The following FNIP1 variants were observed in gnomAD, a reference collection of about 807,000 sequenced individuals.
FNIP1 encodes folliculin interacting protein 1.
In FNIP1, 40 loss-of-function variants were observed where a neutral mutation model predicts 124.5. The observed-to-expected ratio is 0.32, with a 90% confidence interval of 0.25 to 0.42. The LOEUF is 0.42. Among genes scored for constraint, FNIP1 ranks in the 10% least tolerant of loss-of-function variants. FNIP1 has a pLI of 1.00. For missense variants in FNIP1, 1,176 were observed against 1,403.7 expected, an observed-to-expected ratio of 0.84 and a Z score of 2.59; for synonymous variants, 472 against 470.6, an observed-to-expected ratio of 1.00 and a Z score of -0.04.
Position 131,648,126 on chromosome 5 carries a change from T to A in FNIP1, c.3307-921A>T, listed in dbSNP as rs565385571. ...AGGAGGATCATCTGAGGCCAGGAGTTCGAGATCAGCCTGGGCAACACAGTG... is the reference window on the plus strand; with the variant it reads ...AGGAGGATCATCTGAGGCCAGGAGTACGAGATCAGCCTGGGCAACACAGTG... On this transcript the variant is annotated intron_variant, in intron 16 of 17. Coordinates refer to ENST00000510461, the MANE Select transcript of FNIP1 (RefSeq NM_133372.3). 2.3e-4 allele frequency among the ~76,000 whole-genome samples: 33 copies of A among 144,972 alleles called. 1 individual carries two copies. The South Asian group carries it at 7.1e-3, about 31-fold the overall frequency.
chr5:131,742,576 C>A (rs1770548078), intron 2 of FNIP1, among the ~76,000 whole-genome samples: 1 of 152,136 alleles, frequency 6.6e-6, no homozygotes, highest in African/African-American at 2.4e-5. Context: ...TTGTTTTAAA[C>A]TAAGAAAAGT....
At chr5:131,735,740 C>G (rs1450967414) in intron 2 of FNIP1, among the ~76,000 whole-genome samples, 1 of 150,688 alleles carries the variant, frequency 6.6e-6, no homozygotes, top group Non-Finnish European at 1.5e-5. Flanking sequence ...GTTAACTGAC[C>G]TCTCTAAACC....
At chr5:131,666,556 C>G (rs1202662380) in intron 15 of FNIP1, among the ~76,000 whole-genome samples, 1 of 152,132 alleles carries the variant, frequency 6.6e-6, no homozygotes, top group African/African-American at 2.4e-5. Context: ...AGCTTAAGAA[C>G]AGGCAGTTAA....
intron 1 of FNIP1, among the ~76,000 whole-genome samples, chr5:131,764,110 C>G (rs1020081123): frequency 7.2e-5 from 11 of 151,922 alleles, no homozygotes; most frequent in African/African-American, 2.7e-4. Context: ...CCTGCTCTAG[C>G]CATGTGAAGT....
intron 15 of FNIP1, among the ~76,000 whole-genome samples, chr5:131,661,772 CA>C (rs1323750427): frequency 6.6e-6 from 1 of 152,112 alleles, no homozygotes; most frequent in South Asian, 2.1e-4. Flanking sequence ...GCCGTGCCAA[CA>C]AAAGGTAAGA....
intron 1 of FNIP1, among the ~76,000 whole-genome samples, chr5:131,763,327 GACT>G (rs1771300340): frequency 7.8e-6 from 1 of 127,572 alleles, no homozygotes; most frequent in African/African-American, 3.3e-5. Context: ...ACACACACAC[GACT>G]ACAATGGCCA....
In FNIP1 at chr5:131,651,909, G is replaced by A. The variant is rs1767050356; in HGVS notation, c.3199C>T (p.Arg1067Ter). The change falls in exon 16 of 18, where the codon CGA becomes TGA. Residue 1067 changes from arginine to a stop codon, truncating the protein, a stop_gained. Transcript: ENST00000510461. LOFTEE classifies it high-confidence loss of function. Reference protein sequence around the residue: ...WTVQVASSQRRVTDNKLGKEV... With the variant: ...WTVQVASSQR Reference sequence around the variant, plus strand: ...TTTCCCAATTTATTATCTGTCACTCGTCTCTGGCTACTGGCCACTTGAACA... The same window carrying A: ...TTTCCCAATTTATTATCTGTCACTCATCTCTGGCTACTGGCCACTTGAACA... 2 of 1,613,976 alleles carry A rather than the reference G, an allele frequency of 1.2e-6. No individual in the cohort carries two copies. The highest frequency in any genetic ancestry group is 1.7e-6 in the Non-Finnish European group (2 of 1,180,034).
At chr5:131,769,675 G>A (rs1771561041) in intron 1 of FNIP1, among the ~76,000 whole-genome samples, 1 of 152,230 alleles carries the variant, frequency 6.6e-6, no homozygotes, top group Non-Finnish European at 1.5e-5. Flanking sequence ...GGGACCGGGA[G>A]CCTTTAAGAA....
chr5:131,655,284 A>G (rs962285737), intron 15 of FNIP1, among the ~76,000 whole-genome samples: 1 of 152,182 alleles, frequency 6.6e-6, no homozygotes, highest in Non-Finnish European at 1.5e-5. Context: ...AGGCGAGAGG[A>G]TCAATTGAGC....
intron 1 of FNIP1, among the ~76,000 whole-genome samples, chr5:131,755,826 T>C (rs751317822): frequency 2.0e-5 from 3 of 152,106 alleles, no homozygotes; most frequent in East Asian, 1.9e-4. Flanking sequence ...CTGGCCAACA[T>C]AGTGAACCCT....
intron 3 of FNIP1, among the ~76,000 whole-genome samples, chr5:131,730,563 A>C (rs933082999): frequency 2.0e-5 from 3 of 152,222 alleles, no homozygotes; most frequent in Admixed American, 2.0e-4. Flanking sequence ...ACTTCCAATC[A>C]TACTTTAATT....
intron 15 of FNIP1, among the ~76,000 whole-genome samples, chr5:131,662,368 T>C (rs1485269207): frequency 6.6e-6 from 1 of 152,182 alleles, no homozygotes; most frequent in Non-Finnish European, 1.5e-5. Context: ...ATTGTGTCAC[T>C]ATTGGAACTG....
At chr5:131,725,230 C>A (rs1029633037) in intron 3 of FNIP1, among the ~76,000 whole-genome samples, 1 of 152,082 alleles carries the variant, frequency 6.6e-6, no homozygotes, top group Non-Finnish European at 1.5e-5. Context: ...TTTTCTAATT[C>A]TGTGAAGAAA....
At chr5:131,699,023 T>C (rs1353199048) in intron 10 of FNIP1, 21 bp from the exon 11 acceptor site, 4 of 1,586,204 alleles carry the variant, frequency 2.5e-6, no homozygotes, top group East Asian at 2.3e-5. Flanking sequence ...ATCATTGAGA[T>C]AGTTAATTCT....
chr5:131,672,521 T>C lies in FNIP1; in HGVS notation c.1923A>G (p.Leu641=), dbSNP rs927674606. 1.9e-6 allele frequency: 3 copies of C among 1,613,712 alleles called. No homozygotes were observed. Among genetic ancestry groups the C allele is most frequent in the African/African-American group, 1.3e-5 (1 of 74,950 alleles). The change falls in exon 14 of 18, where the codon CTA becomes CTG. Residue 641 remains leucine (L), a synonymous_variant. Coordinates refer to ENST00000510461, the MANE Select transcript of FNIP1 (RefSeq NM_133372.3). ...TCATCTGGCACTCATCTGAAATTCC[T>C]AGCAGCTCCTTAGAGCTGTTTTGAA... ...EDIQNSSKEL[L]GISDECQMIS... is the part of the protein sequence containing the mutation.
intron 7 of FNIP1, among the ~76,000 whole-genome samples, chr5:131,709,840 T>C (rs977899355): frequency 6.6e-6 from 1 of 152,164 alleles, no homozygotes; most frequent in Non-Finnish European, 1.5e-5. Context: ...TTATATCTAA[T>C]ATTTACAGGG....
At chr5:131,677,641 A>G in intron 13 of FNIP1, 62 bp downstream of exon 13, 1 of 1,451,572 alleles carries the variant, frequency 6.9e-7, no homozygotes, top group Non-Finnish European at 9.3e-7. Context: ...TTTGCTATAA[A>G]ATAATTACAG....
intron 1 of FNIP1, among the ~76,000 whole-genome samples, chr5:131,753,637 T>G (rs1036166499): frequency 6.6e-6 from 1 of 152,220 alleles, no homozygotes; most frequent in African/African-American, 2.4e-5. Context: ...TCCAGAGTGA[T>G]CAAAATGTCC....
chr5:131,759,907 A>G (rs1449204449), intron 1 of FNIP1, among the ~76,000 whole-genome samples: 3 of 152,250 alleles, frequency 2.0e-5, no homozygotes, highest in Non-Finnish European at 4.4e-5. Context: ...ATATGCAGCC[A>G]TAAAAAAGAA....
Sources: allele counts gnomAD v4.1 joint callset (sites outside exome capture counted in the v4.1 genomes callset), GRCh38; gene constraint gnomAD v4.1.1; transcripts MANE v1.5; gene names NCBI Gene and HGNC (gene_info 2026-07-23, HGNC 2026-07-21).